The following TUBB6 variants were observed in gnomAD, a reference collection of about 807,000 sequenced individuals.
TUBB6 encodes the protein tubulin beta-6 chain.
Under a neutral mutation model 32.3 loss-of-function variants are expected in TUBB6, and 18 were observed. That is an observed-to-expected ratio of 0.56 (90% CI 0.39 to 0.83). The LOEUF is 0.83. TUBB6 is among the 40% of genes least tolerant of loss of function. The pLI is 0.00. For missense variants in TUBB6, 480 were observed against 632.0 expected (o/e 0.76, Z 2.58); for synonymous variants, 280 against 265.8 (o/e 1.05, Z -0.52).
chr18:12,325,075 G>A lies in TUBB6; in HGVS notation c.286G>A (p.Gly96Ser). 1 of 1,570,670 alleles carries A rather than the reference G, an allele frequency of 6.4e-7. No homozygotes were observed. ...RPDNFIFGQT[G>S]AGNNWAKGHY... The stretch of plus-strand genomic sequence containing the variant: ...GACTCTCTTTGTTGCAGGCCAGACG[G>A]GTGCAGGGAACAACTGGGCGAAAGG... The change falls in exon 4 of 4, where the codon GGT (glycine) becomes AGT (serine). Residue 96 changes from glycine (G) to serine (S), a missense_variant. Transcript: ENST00000317702.
At chr18:12,308,142 G>T, upstream of TUBB6, 1 of 300,504 alleles carries the variant, frequency 3.3e-6, no homozygotes, top group Non-Finnish European at 4.9e-6. Flanking sequence ...CCGCGGCGTC[G>T]AGCGGGGGCG....
upstream of TUBB6, chr18:12,308,138 C>A: frequency 3.7e-6 from 1 of 267,204 alleles, no homozygotes; most frequent in Non-Finnish European, 5.8e-6. Flanking sequence ...CGGGCCGCGG[C>A]GTCGAGCGGG....
At chr18:12,317,325 G>A (rs1906729218) in intron 3 of TUBB6, among the ~76,000 whole-genome samples, 1 of 152,100 alleles carries the variant, frequency 6.6e-6, no homozygotes, top group East Asian at 1.9e-4. Context: ...AGCTAGGCGT[G>A]GTGGTGTGCA....
chr18:12,316,985 C>G (rs1006799307), intron 3 of TUBB6, among the ~76,000 whole-genome samples: 2 of 152,008 alleles, frequency 1.3e-5, no homozygotes, highest in Non-Finnish European at 2.9e-5. Context: ...ATGGTGAAAC[C>G]CTGTCTCTCC....
chr18:12,325,085 A>G lies in TUBB6; in HGVS notation c.296A>G (p.Asn99Ser). Reference protein sequence around the residue: ...NFIFGQTGAGNNWAKGHYTEG... With the variant: ...NFIFGQTGAGSNWAKGHYTEG... ...GTTGCAGGCCAGACGGGTGCAGGGA[A>G]CAACTGGGCGAAAGGGCACTACACG... Residue 99 changes from asparagine (N) to serine (S), a missense_variant, in exon 4 of 4, where the codon AAC (asparagine) becomes AGC (serine). Transcript: ENST00000317702. The G allele has an allele frequency of 6.3e-7, 1 of 1,576,774 alleles. No individual in the cohort carries two copies. Among genetic ancestry groups the G allele is most frequent in the South Asian group, 1.2e-5 (1 of 84,300 alleles).
intron 3 of TUBB6, among the ~76,000 whole-genome samples, chr18:12,314,495 C>A (rs556203279): frequency 6.6e-6 from 1 of 152,236 alleles, no homozygotes; most frequent in Non-Finnish European, 1.5e-5. Context: ...AATCACACCT[C>A]TTCTTTGATA....
chr18:12,310,480 G>A (rs1295500970), intron 2 of TUBB6, among the ~76,000 whole-genome samples: 1 of 111,172 alleles, frequency 9.0e-6, no homozygotes, highest in African/African-American at 3.5e-5. Flanking sequence ...AACAGAGCGA[G>A]ACTCCATCGC....
intron 3 of TUBB6, among the ~76,000 whole-genome samples, chr18:12,321,976 G>C (rs1005698475): frequency 2.6e-5 from 4 of 152,134 alleles, no homozygotes; most frequent in South Asian, 2.1e-4. Context: ...TGACCTGCAA[G>C]TTAGGTCGTT....
intron 3 of TUBB6, 152 bp from the exon 4 acceptor site, chr18:12,324,915 G>A: frequency 4.1e-6 from 6 of 1,478,522 alleles, no homozygotes; most frequent in Non-Finnish European, 5.4e-6. Context: ...CATCTGCTCA[G>A]CTGCACCGTT....
In TUBB6 at chr18:12,308,289, C is replaced by G. The variant is rs1417440822; in HGVS notation, c.-4C>G. 1.4e-6 allele frequency: 2 copies of G among 1,463,206 alleles called. No individual in the cohort carries two copies. Among genetic ancestry groups the G allele is most frequent in the Non-Finnish European group, 1.8e-6 (2 of 1,102,468 alleles). 90.6% of individuals were successfully genotyped at this position (1,463,206 alleles called of 1,614,324 possible). A position where few individuals can be genotyped will look rare whatever the true frequency, so the allele number is the denominator to read the frequency against. On this transcript the variant is annotated 5_prime_UTR_variant, in exon 1 of 4. Transcript: ENST00000317702. ...CCAGTTCCTAGCGCAGAGCCGCGCCCGCCATGAGGGAGATCGTGCACATCC... is the reference window on the plus strand; with the variant it reads ...CCAGTTCCTAGCGCAGAGCCGCGCCGGCCATGAGGGAGATCGTGCACATCC...
chr18:12,327,597 GAAAAC>G (rs1006759547), downstream of TUBB6, among the ~76,000 whole-genome samples: 3 of 152,204 alleles, frequency 2.0e-5, no homozygotes, highest in African/African-American at 7.2e-5. Flanking sequence ...CATCTGTCCT[GAAAAC>G]ATGTTCTGTG....
downstream of TUBB6, chr18:12,329,571 G>A (rs1358840510): frequency 2.5e-6 from 4 of 1,613,766 alleles, no homozygotes; most frequent in African/African-American, 4.0e-5. Flanking sequence ...GCCTCTAGTT[G>A]GCAACTTTCT....
In TUBB6 at chr18:12,326,418, TC is replaced by T. The variant is rs573657379; in HGVS notation, c.*289del. On this transcript the variant is annotated 3_prime_UTR_variant, in exon 4 of 4. Transcript: ENST00000317702. ...ATAAACTTCACCTTCCATTAAGTGT[TC>T]AAGCATGTCTGCAAATTAGGAGGGA... is the stretch of plus-strand genomic sequence containing the variant. 341 of 392,882 alleles carry T rather than the reference TC, an allele frequency of 8.7e-4. 5 individuals are homozygous for T. Among genetic ancestry groups the T allele is most frequent in the South Asian group, 7.5e-3 (167 of 22,122 alleles). The allele number at this position is 392,882 out of a possible 1,614,324, so 24.3% of individuals were successfully genotyped here. A position where few individuals can be genotyped will look rare whatever the true frequency, so the allele number is the denominator to read the frequency against.
At position 12,308,541 on chromosome 18, in the gene TUBB6, C is replaced by T. The variant is rs561815630; in HGVS notation, c.58-146C>T. ...GGCCGGGGACCTTCTACTCTTCGCT[C>T]CCCACCCCCATCCCAACTGGGAGCG... On this transcript the variant is annotated intron_variant, in intron 1 of 3. Coordinates refer to ENST00000317702, the MANE Select transcript of TUBB6 (RefSeq NM_032525.3). The T allele has an allele frequency of 1.7e-3, 1,232 of 746,156 alleles. 28 individuals carry two copies. In the South Asian group the frequency reaches 0.023, roughly 14 times the overall value. The allele number at this position is 746,156 out of a possible 1,614,324, so 46.2% of individuals were successfully genotyped here.
At chr18:12,308,029 G>C (rs1201358433), upstream of TUBB6, 1 of 152,572 alleles carries the variant, frequency 6.6e-6, no homozygotes, top group East Asian at 1.9e-4. Flanking sequence ...GCTCCTTCCC[G>C]TCTCCTCCCC....
intron 3 of TUBB6, chr18:12,324,833 C>A: frequency 7.5e-7 from 1 of 1,337,862 alleles, no homozygotes; most frequent in Non-Finnish European, 9.5e-7. Context: ...CATGGAACAA[C>A]CAGGTCAAAA....
Position 12,325,891 on chromosome 18 carries a change from A to G in TUBB6, c.1102A>G (p.Ile368Val). The change falls in exon 4 of 4, where the codon ATC becomes GTC. Residue 368 changes from isoleucine (I) to valine (V), a missense_variant. Physicochemically the swap from Ile to Val is conservative, Grantham distance 29. Transcript: ENST00000317702. ...CGGCCTGAAGATGGCCTCCACCTTC[A>G]TCGGCAACAGCACGGCCATCCAGGA... ...PRGLKMASTF[I>V]GNSTAIQELF... 1 of 1,614,148 alleles carries G rather than the reference A, an allele frequency of 6.2e-7. No homozygotes were observed. Among genetic ancestry groups the G allele is most frequent in the Non-Finnish European group, 8.5e-7 (1 of 1,180,040 alleles).
chr18:12,325,242 C>G lies in TUBB6; in HGVS notation c.453C>G (p.Leu151=). The G allele has an allele frequency of 6.2e-7, 1 of 1,614,182 alleles. No individual in the cohort carries two copies. The highest frequency in any genetic ancestry group is 8.5e-7 in the Non-Finnish European group (1 of 1,180,030). ...CGGGCTCAGGCATGGGCACGCTGCT[C>G]ATCAGCAAGATCCGTGAGGAGTTCC... ...GGTGSGMGTL[L]ISKIREEFPD... Residue 151 remains leucine (L), a synonymous_variant, in exon 4 of 4, where the codon CTC becomes CTG. Transcript: ENST00000317702.
intron 1 of TUBB6, 31 bp downstream of exon 1, chr18:12,308,380 C>T (rs759287648): frequency 2.2e-6 from 3 of 1,352,196 alleles, no homozygotes; most frequent in African/African-American, 1.5e-5. Flanking sequence ...GGCCTCTCCG[C>T]GGGTCGGCTG....
Sources: gnomAD v4.1 joint callset for allele counts (sites outside exome capture counted in the v4.1 genomes callset) on GRCh38, gnomAD v4.1.1 for gene constraint, MANE v1.5 for transcripts, NCBI Gene and HGNC (gene_info 2026-07-23, HGNC 2026-07-21) for gene names.